Variants in ESAM observed in about 807,000 individuals in gnomAD.
ESAM encodes endothelial cell-selective adhesion molecule.
In ESAM, 23 loss-of-function variants were observed where a neutral mutation model predicts 31.8. The ratio of observed to expected loss-of-function variants is 0.72; its 90% confidence interval spans 0.52 to 1.03. The LOEUF is 1.03. ESAM is among the 50% of genes least tolerant of loss of function. The pLI is 0.00. For synonymous variants in ESAM, 216 were observed against 207.2 expected (o/e 1.04, Z -0.37); for missense variants, 478 against 488.9 (o/e 0.98, Z 0.21).
At position 124,754,945 on chromosome 11, in the gene ESAM, A is replaced by G. The variant is rs1366068640; in HGVS notation, c.608-182T>C. 6.6e-6 allele frequency among the ~76,000 whole-genome samples: 1 copy of G among 152,192 alleles called. No individual in the cohort carries two copies. Among genetic ancestry groups the G allele is most frequent in the Non-Finnish European group, 1.5e-5 (1 of 68,034 alleles). On this transcript the variant is annotated intron_variant, in intron 4 of 6. Coordinates refer to ENST00000278927, the MANE Select transcript of ESAM (RefSeq NM_138961.3). This position sits in a 1 kb window ranked among gnomAD's most constrained non-coding sequence, Gnocchi z 4.5. ...TCCCAGCTGCAGACTGACTAGTGCA[A>G]TAACCTCCATTGTCACTCCTCAGTC...
rs528997728 is a variant in ESAM, at chr11:124,754,351, C to T, written c.731-11G>A. The stretch of plus-strand genomic sequence containing the variant: ...CTGCAGCTCCAGGCCCTGGAAAAGG[C>T]GTCGTGTCAGAGGAGGACACCCAGC... On this transcript the variant is annotated splice_polypyrimidine_tract_variant and intron_variant, in intron 5 of 6. Transcript: ENST00000278927. The surrounding 1 kb of genome is among the most constrained non-coding windows in gnomAD (Gnocchi z 4.5). The T allele has an allele frequency of 1.2e-4, 187 of 1,613,304 alleles. No homozygotes were observed. Among genetic ancestry groups the T allele is most frequent in the South Asian group, 6.8e-4 (62 of 90,974 alleles).
rs938586499 is a variant in ESAM at position 124,759,813 on chromosome 11, G to T, written c.71-1286C>A. Among the ~76,000 whole-genome samples, 1 of 152,202 alleles carries T rather than the reference G, an allele frequency of 6.6e-6. No homozygotes were observed. Among genetic ancestry groups the T allele is most frequent in the Non-Finnish European group, 1.5e-5 (1 of 68,024 alleles). ...AGTGATAAGGCAGAAGACAATGAAG[G>T]GGGGGCCACTAGACCGGAGGCTCTA... is the stretch of plus-strand genomic sequence containing the variant. On this transcript the variant is annotated intron_variant, in intron 1 of 6. Coordinates refer to ENST00000278927, the MANE Select transcript of ESAM (RefSeq NM_138961.3). The surrounding 1 kb of genome is among the most constrained non-coding windows in gnomAD (Gnocchi z 6.8).
intron 4 of ESAM, 85 bp downstream of exon 4, chr11:124,756,122 C>G: frequency 3.2e-6 from 5 of 1,576,410 alleles, no homozygotes; most frequent in Non-Finnish European, 3.5e-6. Flanking sequence ...AGCCTTGGCT[C>G]CCCTTTTCAC....
intron 1 of ESAM, among the ~76,000 whole-genome samples, chr11:124,758,794 T>A (rs1251955352): frequency 2.6e-5 from 4 of 152,122 alleles, no homozygotes; most frequent in Non-Finnish European, 5.9e-5. Flanking sequence ...TTTATTCGTA[T>A]CCAGAGGCGC....
At chr11:124,756,100 C>T (rs1944149959) in intron 4 of ESAM, 107 bp downstream of exon 4, 8 of 1,471,664 alleles carry the variant, frequency 5.4e-6, no homozygotes, top group Non-Finnish European at 7.4e-6. Context: ...CTCCTCCTCC[C>T]CAGTGCTTGT....
Position 124,754,652 on chromosome 11 carries a change from T to C in ESAM, c.719A>G (p.Glu240Gly), listed in dbSNP as rs1311978323. Residue 240 changes from glutamate (E) to glycine (G), a missense_variant, in exon 5 of 7, where the codon GAA becomes GGA. Glu to Gly is a moderately conservative substitution (Grantham distance 98). Coordinates refer to ENST00000278927, the MANE Select transcript of ESAM (RefSeq NM_138961.3). This position sits in a 1 kb window ranked among gnomAD's most constrained non-coding sequence, Gnocchi z 4.5. Reference sequence around the variant, plus strand: ...TACCCCTCACTGACCTGTGCTCACTTCCAGCGTCACATTACATTGGGCAGT... The same window carrying C: ...TACCCCTCACTGACCTGTGCTCACTCCCAGCGTCACATTACATTGGGCAGT... ...VGTAQCNVTL[E>G]VSTGPGAAVV... is the part of the protein sequence containing the mutation. 3 of 1,613,472 alleles carry C rather than the reference T, an allele frequency of 1.9e-6. No individual in the cohort carries two copies. Among genetic ancestry groups the C allele is most frequent in the Non-Finnish European group, 2.5e-6 (3 of 1,179,806 alleles).
Position 124,753,605 on chromosome 11 carries a change from G to C in ESAM, c.*41C>G. 3 of 1,609,020 alleles carry C rather than the reference G, an allele frequency of 1.9e-6. No homozygotes were observed. Among genetic ancestry groups the C allele is most frequent in the Non-Finnish European group, 2.5e-6 (3 of 1,178,352 alleles). On this transcript the variant is annotated 3_prime_UTR_variant, in exon 7 of 7. Transcript: ENST00000278927. ...GTGCTAGAGGTGACCCTTATAGGAA[G>C]GAGAGACCCCAAATCCTTTAGCCAA...
In ESAM at chr11:124,753,744, A is replaced by C. The variant is rs779328533; in HGVS notation, c.1075T>G (p.Ser359Ala). 2.5e-6 allele frequency: 4 copies of C among 1,613,928 alleles called. No individual in the cohort carries two copies. Among genetic ancestry groups the C allele is most frequent in the Non-Finnish European group, 3.4e-6 (4 of 1,179,978 alleles). The change falls in exon 7 of 7, where the codon TCC (serine) becomes GCC (alanine). Residue 359 changes from serine (S) to alanine (A), a missense_variant. Ser to Ala is a moderately conservative substitution (Grantham distance 99). Coordinates refer to ENST00000278927, the MANE Select transcript of ESAM (RefSeq NM_138961.3). ...TTDGAHPQPI[S>A]PIPGGVSSSG... ...GAAGAAACCCCACCAGGGATGGGGG[A>C]TATTGGTTGAGGGTGGGCCCCATCT...
chr11:124,757,599 G>C (rs568404851), intron 2 of ESAM: 1 of 152,434 alleles, frequency 6.6e-6, no homozygotes, highest in South Asian at 2.1e-4. Context: ...GTATACAGGG[G>C]GGCAAGGTGA....
At position 124,753,666 on chromosome 11, in the gene ESAM, G is replaced by A. The variant is rs1944118169; in HGVS notation, c.1153C>T (p.Gln385Ter). 1 of 1,613,772 alleles carries A rather than the reference G, an allele frequency of 6.2e-7. No homozygotes were observed. Among genetic ancestry groups the A allele is most frequent in the Non-Finnish European group, 8.5e-7 (1 of 1,180,038 alleles). ...AVPVMVPAQS[Q>*]AGSLV ...GGTCATCATACCAGAGAGCCAGCTT[G>A]ACTCTGGGCAGGCACCATCACAGGC... Residue 385 changes from glutamine to a stop codon, truncating the protein, a stop_gained, in exon 7 of 7, where the codon CAA becomes TAA. Coordinates refer to ENST00000278927, the MANE Select transcript of ESAM (RefSeq NM_138961.3). LOFTEE classifies it high-confidence loss of function.
intron 3 of ESAM, 27 bp downstream of exon 3, chr11:124,756,514 G>A (rs1252302130): frequency 3.7e-6 from 6 of 1,611,404 alleles, no homozygotes; most frequent in Non-Finnish European, 4.2e-6. Context: ...AGGTGGGGAG[G>A]GGTCCGGAAA....
intron 1 of ESAM, 113 bp downstream of exon 1, chr11:124,761,972 G>A: frequency 3.2e-6 from 3 of 930,566 alleles, no homozygotes; most frequent in Non-Finnish European, 5.1e-6. Flanking sequence ...GAGGTCAGGG[G>A]AGGAGGGCGA....
At chr11:124,756,873 C>G (rs1387846859) in intron 2 of ESAM, 131 bp from the exon 3 acceptor site, 1 of 920,892 alleles carries the variant, frequency 1.1e-6, no homozygotes, top group Non-Finnish European at 1.7e-6. Context: ...CTAACCTGAA[C>G]CAGCTCCCCA....
At position 124,753,417 on chromosome 11, in the gene ESAM, CA is replaced by C. The variant is rs573779260; in HGVS notation, c.*228del. The C allele has an allele frequency of 4.3e-5, 24 of 555,358 alleles. No homozygotes were observed. Among genetic ancestry groups the C allele is most frequent in the Non-Finnish European group, 6.7e-5 (21 of 315,754 alleles). 34.4% of individuals were successfully genotyped at this position (555,358 alleles called of 1,614,324 possible). A position where few individuals can be genotyped will look rare whatever the true frequency, so the allele number is the denominator to read the frequency against. ...AGCAGCTGGCTTCATAAGGAGGAGT[CA>C]GGGGTGGGTGGAGGCTCCTCCCAAT... On this transcript the variant is annotated 3_prime_UTR_variant, in exon 7 of 7. Transcript: ENST00000278927.
rs1944123003 is a variant in ESAM at position 124,753,886 on chromosome 11, G to A, written c.933C>T (p.Ser311=). The A allele has an allele frequency of 6.2e-7, 1 of 1,614,038 alleles. No homozygotes were observed. The highest frequency in any genetic ancestry group is 1.3e-5 in the African/African-American group (1 of 74,928). ...SDTISKNGTL[S]SVTSARALRP... ...GGAGGGCTCGTGCGGAGGTGACAGA[G>A]GAAAGGGTCCCATTCTTGGAGATTG... The change falls in exon 7 of 7, where the codon TCC becomes TCT. Residue 311 remains serine (S), a synonymous_variant. Transcript: ENST00000278927.
Position 124,754,574 on chromosome 11 carries a change from C to T in ESAM, c.730+67G>A, listed in dbSNP as rs973152000. The stretch of plus-strand genomic sequence containing the variant: ...GAGACAGGCCTCAGCAGACAGGCCT[C>T]CTCCCCACTTGCAACCCCTCCCCCA... On this transcript the variant is annotated intron_variant, in intron 5 of 6. Transcript: ENST00000278927. This position sits in a 1 kb window ranked among gnomAD's most constrained non-coding sequence, Gnocchi z 4.5. 8.9e-6 allele frequency: 14 copies of T among 1,565,690 alleles called. No individual in the cohort carries two copies. The African/African-American group carries it at 1.9e-4, about 21-fold the overall frequency.
At chr11:124,758,166 G>A (rs1565442474) in intron 2 of ESAM, among the ~76,000 whole-genome samples, 183 bp downstream of exon 2, 1 of 152,136 alleles carries the variant, frequency 6.6e-6, no homozygotes, top group African/African-American at 2.4e-5. Context: ...GCCGGCAAAA[G>A]ATAATTGTTT....
rs527878060 is a variant in ESAM, at chr11:124,756,827, G to A, written c.250-85C>T. On this transcript the variant is annotated intron_variant, in intron 2 of 6. Transcript: ENST00000278927. ...TCAGCCACTCTCCCTCCCCCAGCTC[G>A]CATTCTCCAAATGCCCCTCACATGC... 50 of 1,424,832 alleles carry A rather than the reference G, an allele frequency of 3.5e-5. No homozygotes were observed. In the Admixed American group the frequency reaches 6.3e-4, roughly 18 times the overall value. The allele number at this position is 1,424,832 out of a possible 1,614,324, so 88.3% of individuals were successfully genotyped here.
rs1164458459 is a variant in ESAM, at chr11:124,756,630, G to T, written c.362C>A (p.Ser121Tyr). Reference sequence around the variant, plus strand: ...ATTCACGGAGCAGCTGTAGGGGCCAGAGTCTTTCTCCTGGAGACCCTCCAG... The same window carrying T: ...ATTCACGGAGCAGCTGTAGGGGCCATAGTCTTTCTCCTGGAGACCCTCCAG... ...LRLEGLQEKD[S>Y]GPYSCSVNVQ... is the part of the protein sequence containing the mutation. Residue 121 changes from serine to tyrosine, a missense_variant, in exon 3 of 7, where the codon TCT becomes TAT. Transcript: ENST00000278927. 29 of 1,614,068 alleles carry T rather than the reference G, an allele frequency of 1.8e-5. No individual in the cohort carries two copies. Among genetic ancestry groups the T allele is most frequent in the Non-Finnish European group, 2.3e-5 (27 of 1,180,044 alleles).
Sources: allele counts gnomAD v4.1 joint callset (sites outside exome capture counted in the v4.1 genomes callset), GRCh38; gene constraint gnomAD v4.1.1; non-coding constraint Gnocchi (gnomAD v3.1); transcripts MANE v1.5; gene names NCBI Gene and HGNC (gene_info 2026-07-23, HGNC 2026-07-21).